Variants in DIAPH1 observed in about 807,000 individuals in gnomAD.
The protein encoded by DIAPH1 is diaphanous related formin 1.
DIAPH1 carries 46 observed loss-of-function variants against 140.7 expected under a neutral mutation model. That is an observed-to-expected ratio of 0.33 (90% CI 0.26 to 0.42). The LOEUF (loss-of-function observed/expected upper bound fraction) is 0.42, where lower values mean the gene tolerates loss of function less well. Ranked by LOEUF, DIAPH1 falls within the 10% of genes least tolerant of loss-of-function variation. The probability of loss-of-function intolerance (pLI) is 1.00; values close to 1 mark genes in which losing one functional copy is unlikely to be tolerated. For synonymous variants in DIAPH1, 565 were observed against 551.6 expected (o/e 1.02, Z -0.34); for missense variants, 1,310 against 1,558.7 (o/e 0.84, Z 2.69).
chr5:141,581,192 A>G (rs1447663540), intron 7 of DIAPH1, among the ~76,000 whole-genome samples: 1 of 152,210 alleles, frequency 6.6e-6, no homozygotes, highest in Admixed American at 6.5e-5. Context: ...ACATAGGCAG[A>G]GATCAGGATG....
chr5:141,518,529 CTTTTTT>C (rs35159859), intron 27 of DIAPH1: 2 of 138,378 alleles, frequency 1.4e-5, no homozygotes, highest in Non-Finnish European at 3.1e-5. Flanking sequence ...GATAGCCCGT[CTTTTTT>C]TTTTTTTTTT....
intron 18 of DIAPH1, among the ~76,000 whole-genome samples, chr5:141,562,606 C>CA (rs754741971): frequency 0.089 from 6,669 of 75,304 alleles, 236 homozygotes; most frequent in Non-Finnish European, 0.097. Flanking sequence ...CTTACCTATG[C>CA]AAAAAAAAAA....
At chr5:141,534,068 C>T (rs1490823286) in intron 19 of DIAPH1, among the ~76,000 whole-genome samples, 1 of 147,190 alleles carries the variant, frequency 6.8e-6, no homozygotes, top group African/African-American at 2.5e-5. Flanking sequence ...GGCTCAAATC[C>T]CAGACCTCCT....
At chr5:141,613,089 A>C (rs928395680) in intron 1 of DIAPH1, among the ~76,000 whole-genome samples, 2 of 152,182 alleles carry the variant, frequency 1.3e-5, no homozygotes, top group African/African-American at 4.8e-5. Context: ...TTGCCACCCT[A>C]ACAAAATTCC....
chr5:141,529,945 G>C (rs931325688), intron 19 of DIAPH1, among the ~76,000 whole-genome samples: 59 of 152,092 alleles, frequency 3.9e-4, no homozygotes, highest in African/African-American at 1.4e-3. Flanking sequence ...CTAGCCAGGC[G>C]TGGTGGTGTG....
intron 18 of DIAPH1, among the ~76,000 whole-genome samples, chr5:141,539,724 T>TG (rs2099889671): frequency 6.6e-6 from 1 of 152,224 alleles, no homozygotes; most frequent in Non-Finnish European, 1.5e-5. Context: ...GGTGAACAGT[T>TG]GTTCACGGTA....
chr5:141,524,353 A>G (rs896872025), intron 26 of DIAPH1, 124 bp from the exon 27 acceptor site: 2 of 884,430 alleles, frequency 2.3e-6, no homozygotes, highest in South Asian at 2.7e-5. Context: ...CTGGCAGCTA[A>G]GAAGAGGCAA....
chr5:141,615,150 T>A (rs1217909002), intron 1 of DIAPH1, among the ~76,000 whole-genome samples: 1 of 152,116 alleles, frequency 6.6e-6, no homozygotes, highest in Non-Finnish European at 1.5e-5. Flanking sequence ...AAAATCATTC[T>A]CTTGGCCGGA....
At chr5:141,618,556 G>A (rs1317753668) in intron 1 of DIAPH1, 6 of 418,550 alleles carry the variant, frequency 1.4e-5, no homozygotes, top group Non-Finnish European at 2.7e-5. Context: ...AGGGCAGAAT[G>A]TAAGGGCTGG....
chr5:141,584,056 C>CAAA, intron 4 of DIAPH1, 68 bp downstream of exon 4: 2 of 830,604 alleles, frequency 2.4e-6, no homozygotes, highest in Non-Finnish European at 3.8e-6. Context: ...ATAAAATTGG[C>CAAA]AAAAAAAAAA....
chr5:141,574,364 C>A (rs45515193), intron 15 of DIAPH1, among the ~76,000 whole-genome samples, 156 bp from the exon 16 acceptor site: 2 of 152,110 alleles, frequency 1.3e-5, no homozygotes, highest in Non-Finnish European at 2.9e-5. Flanking sequence ...TAAAGTCACA[C>A]GGCTTGGCAG....
intron 1 of DIAPH1, among the ~76,000 whole-genome samples, chr5:141,604,054 A>C (rs2099900562): frequency 6.6e-6 from 1 of 152,176 alleles, no homozygotes; most frequent in African/African-American, 2.4e-5. Context: ...TTGCACTATA[A>C]AGCACACATG....
intron 18 of DIAPH1, among the ~76,000 whole-genome samples, chr5:141,547,713 G>A (rs2099891027): frequency 6.6e-6 from 1 of 152,054 alleles, no homozygotes; most frequent in Admixed American, 6.6e-5. Context: ...TATAACTGGA[G>A]GCCCAGAAAG....
chr5:141,587,733 A>G (rs2099897752), intron 2 of DIAPH1, among the ~76,000 whole-genome samples: 1 of 152,256 alleles, frequency 6.6e-6, no homozygotes, highest in Non-Finnish European at 1.5e-5. Context: ...TGTAGGCAGC[A>G]AAAGTTCAAT....
chr5:141,571,515 G>T, intron 17 of DIAPH1, 79 bp from the exon 18 acceptor site: 1 of 1,289,036 alleles, frequency 7.8e-7, no homozygotes, highest in South Asian at 1.2e-5. Context: ...ATCACATATG[G>T]TTCTTGTTAC....
intron 18 of DIAPH1, among the ~76,000 whole-genome samples, chr5:141,554,676 G>A (rs2154595725): frequency 6.6e-6 from 1 of 152,232 alleles, no homozygotes; most frequent in Admixed American, 6.5e-5. Flanking sequence ...GAATTAAGGG[G>A]TATAAAATAA....
intron 18 of DIAPH1, chr5:141,564,906 A>G (rs2099894144): frequency 6.6e-6 from 1 of 152,232 alleles, no homozygotes; most frequent in African/African-American, 2.4e-5. Context: ...AAAACAACAT[A>G]TCACTTTTCC....
At chr5:141,518,217 T>C (rs1264008369) in intron 27 of DIAPH1, among the ~76,000 whole-genome samples, 7 of 151,100 alleles carry the variant, frequency 4.6e-5, no homozygotes, top group Non-Finnish European at 7.4e-5. Flanking sequence ...TGGAATTAGA[T>C]AGTAATGGTT....
At chr5:141,591,140 A>G (rs2099898334) in intron 1 of DIAPH1, among the ~76,000 whole-genome samples, 1 of 152,106 alleles carries the variant, frequency 6.6e-6, no homozygotes, top group Admixed American at 6.5e-5. Flanking sequence ...GTCTCCAAAC[A>G]GATGACGCTG....
Sources: gnomAD v4.1 joint callset for allele counts (sites outside exome capture counted in the v4.1 genomes callset) on GRCh38, gnomAD v4.1.1 for gene constraint, MANE v1.5 for transcripts, NCBI Gene and HGNC (gene_info 2026-07-23, HGNC 2026-07-21) for gene names.